The following ZFAT variants were observed in gnomAD, a reference collection of about 807,000 sequenced individuals.
The protein encoded by ZFAT is zinc finger and AT-hook domain containing, also known as zinc finger protein ZFAT.
A neutral mutation model predicts 117.7 loss-of-function variants in ZFAT; 64 were observed. The ratio of observed to expected loss-of-function variants is 0.54; its 90% CI spans 0.44 to 0.67. ZFAT has a LOEUF of 0.67. Among genes scored for constraint, ZFAT ranks in the 30% least tolerant of loss-of-function variants. The pLI, the probability that ZFAT is intolerant of heterozygous loss-of-function variation, is 0.00. For missense variants in ZFAT, 1,433 were observed against 1,584.5 expected, an observed-to-expected ratio of 0.90 and a Z score of 1.62; for synonymous variants, 679 against 615.0, an observed-to-expected ratio of 1.10 and a Z score of -1.54.
At chr8:134,632,048 A>AAT (rs1829926631) in intron 3 of ZFAT, among the ~76,000 whole-genome samples, 2 of 152,276 alleles carry the variant, frequency 1.3e-5, no homozygotes, top group South Asian at 4.1e-4. Flanking sequence ...TTATTGGTCA[A>AAT]ATATATACAG....
chr8:134,819,750 A>C, the ZFAT span, among the ~76,000 whole-genome samples: 1 of 152,126 alleles, frequency 6.6e-6, no homozygotes, highest in South Asian at 2.1e-4. Context: ...TAATATGATG[A>C]AAGCTAGGGA....
chr8:134,623,819 C>T lies in ZFAT; in HGVS notation c.449-13164G>A, dbSNP rs183920581. On this transcript the variant is annotated intron_variant, in intron 3 of 15. Transcript: ENST00000377838. ...CCCAGCCCCACTCTTCAGTGCTCGACGTCTCTGTAGCCTTCAACTCTCTGC... is the reference window on the plus strand; with the variant it reads ...CCCAGCCCCACTCTTCAGTGCTCGATGTCTCTGTAGCCTTCAACTCTCTGC... Among the ~76,000 whole-genome samples, 60 of 152,096 alleles carry T rather than the reference C, an allele frequency of 3.9e-4. No homozygotes were observed. In the East Asian group the frequency reaches 0.011, roughly 29 times the overall value.
At chr8:134,721,930 A>C in the ZFAT span, among the ~76,000 whole-genome samples, 8 of 152,236 alleles carry the variant, frequency 5.3e-5, no homozygotes, top group African/African-American at 1.9e-4. Flanking sequence ...AAAAACTGTC[A>C]GCAAGTTCAC....
chr8:134,553,234 A>G (rs7832857), intron 11 of ZFAT, among the ~76,000 whole-genome samples: 53,628 of 152,104 alleles, frequency 0.35, 9,776 homozygotes, highest in East Asian at 0.67. Context: ...CAGCCGGTGC[A>G]GTGACTCATG....
upstream of ZFAT, among the ~76,000 whole-genome samples, chr8:134,717,464 CTCTTTTTTTTTTTTTTTTT>C (rs1563784268): frequency 1.6e-4 from 3 of 18,468 alleles, no homozygotes; most frequent in African/African-American, 3.3e-4. Context: ...TCAATAACAA[CTCTTTTTTTTTTTTTTTTT>C]TTTTTTTTTT....
Position 134,482,821 on chromosome 8 carries a change from A to G in ZFAT, c.3493-4100T>C, listed in dbSNP as rs534747885. Among the ~76,000 whole-genome samples, 311 of 152,304 alleles carry G rather than the reference A, an allele frequency of 2.0e-3. 3 individuals are homozygous for G. The highest frequency in any genetic ancestry group is 7.0e-3 in the African/African-American group (291 of 41,578). On this transcript the variant is annotated intron_variant, in intron 15 of 15. Transcript: ENST00000377838. Reference sequence around the variant, plus strand: ...AGAGCAGGCTTCCTGGTGTGCACAAATGTGACAGGGAGGCACGCTGTTGCC... The same window carrying G: ...AGAGCAGGCTTCCTGGTGTGCACAAGTGTGACAGGGAGGCACGCTGTTGCC...
chr8:134,514,989 T>G (rs1358081619), intron 13 of ZFAT, among the ~76,000 whole-genome samples: 2 of 152,178 alleles, frequency 1.3e-5, no homozygotes, highest in African/African-American at 4.8e-5. Context: ...CCCTGGTGTG[T>G]GACGTTCCCC....
chr8:134,761,103 GC>G, the ZFAT span, among the ~76,000 whole-genome samples: 8 of 152,204 alleles, frequency 5.3e-5, no homozygotes, highest in Admixed American at 4.6e-4. Context: ...GAGACAAAGA[GC>G]CTGGTATGTA....
At chr8:134,508,304 G>A (rs1819563284) in intron 15 of ZFAT, among the ~76,000 whole-genome samples, 1 of 152,214 alleles carries the variant, frequency 6.6e-6, no homozygotes, top group African/African-American at 2.4e-5. Context: ...ACAGCGCTGG[G>A]ATGTCCCCTC....
chr8:134,759,908 T>C, the ZFAT span, among the ~76,000 whole-genome samples: 1 of 143,488 alleles, frequency 7.0e-6, no homozygotes, highest in African/African-American at 2.6e-5. Flanking sequence ...GAGATGGAGG[T>C]TGCAGTGAGC....
At chr8:134,635,980 G>A (rs997054084) in intron 3 of ZFAT, among the ~76,000 whole-genome samples, 3 of 152,136 alleles carry the variant, frequency 2.0e-5, no homozygotes, top group African/African-American at 7.2e-5. Context: ...TCATGAGCCC[G>A]TGCAGCCCCA....
At chr8:134,823,746 T>C in the ZFAT span, among the ~76,000 whole-genome samples, 1 of 152,254 alleles carries the variant, frequency 6.6e-6, no homozygotes, top group Non-Finnish European at 1.5e-5. Flanking sequence ...ATAGAATTAT[T>C]AAAATGCTTT....
chr8:134,580,008 G>A (rs16905186), intron 10 of ZFAT, among the ~76,000 whole-genome samples: 3,789 of 151,144 alleles, frequency 0.025, 170 homozygotes, highest in African/African-American at 0.086. Context: ...TGTGGCCTCC[G>A]AGAGGTAATC....
chr8:134,704,215 C>T (rs547511726), intron 1 of ZFAT, among the ~76,000 whole-genome samples: 1 of 152,302 alleles, frequency 6.6e-6, no homozygotes, highest in South Asian at 2.1e-4. Flanking sequence ...CTTCCAGGAA[C>T]CTGGCTAGCC....
the ZFAT span, among the ~76,000 whole-genome samples, chr8:134,790,269 T>C: frequency 6.6e-6 from 1 of 152,186 alleles, no homozygotes; most frequent in African/African-American, 2.4e-5. Context: ...AAGGCTCTTG[T>C]CCAGCCATGA....
the ZFAT span, among the ~76,000 whole-genome samples, chr8:134,800,005 T>C: frequency 6.6e-6 from 1 of 152,144 alleles, no homozygotes; most frequent in African/African-American, 2.4e-5. Flanking sequence ...CACTGAGGTA[T>C]GGAAACAGTG....
intron 8 of ZFAT, among the ~76,000 whole-genome samples, 180 bp from the exon 9 acceptor site, chr8:134,588,575 T>A (rs144722774): frequency 1.2e-3 from 179 of 152,308 alleles, no homozygotes; most frequent in African/African-American, 3.8e-3. Flanking sequence ...GATCTCAGTA[T>A]CTGTTAACAT....
intron 10 of ZFAT, among the ~76,000 whole-genome samples, chr8:134,567,482 TCC>T: frequency 6.6e-6 from 1 of 151,698 alleles, no homozygotes; most frequent in Non-Finnish European, 1.5e-5. Flanking sequence ...CATCCATCCA[TCC>T]ATCCATCCAT....
At position 134,520,965 on chromosome 8, in the gene ZFAT, C is replaced by T; in HGVS notation, c.3152G>A (p.Gly1051Asp). ...GTGCCTATTGAACTCCCATTTGGTG[C>T]CATATACAAAGCTGCAAACAGGACA... ...LKCPVCSFVY[G>D]TKWEFNRHLK... The change falls in exon 13 of 16, where the codon GGC becomes GAC. Residue 1051 changes from glycine (G) to aspartate (D), a missense_variant. Coordinates refer to ENST00000377838, the MANE Select transcript of ZFAT (RefSeq NM_020863.4). 1.2e-6 allele frequency: 2 copies of T among 1,613,794 alleles called. No individual in the cohort carries two copies. The highest frequency in any genetic ancestry group is 8.5e-7 in the Non-Finnish European group (1 of 1,179,810).
Sources: gnomAD v4.1 joint callset for allele counts (sites outside exome capture counted in the v4.1 genomes callset) on GRCh38, gnomAD v4.1.1 for gene constraint, MANE v1.5 for transcripts, NCBI Gene and HGNC (gene_info 2026-07-23, HGNC 2026-07-21) for gene names.